PCDHGA8: variants seen among roughly 807,000 people sequenced by gnomAD.
PCDHGA8 encodes protocadherin gamma subfamily A, 8, also known as protocadherin gamma-A8.
Under a neutral mutation model 59.2 loss-of-function variants are expected in PCDHGA8, and 45 were observed. The observed-to-expected ratio is 0.76, with a 90% CI of 0.60 to 0.98. PCDHGA8 has a LOEUF of 0.98. Ranked by LOEUF, PCDHGA8 falls within the 50% of genes least tolerant of loss-of-function variation. The pLI, the probability that PCDHGA8 is intolerant of heterozygous loss-of-function variation, is 0.00. For synonymous variants in PCDHGA8, 531 were observed against 519.0 expected (o/e 1.02, Z -0.32); for missense variants, 1,257 against 1,196.2 (o/e 1.05, Z -0.75).
In PCDHGA8 at chr5:141,511,074, C is replaced by G; in HGVS notation, c.2700C>G (p.Ser900Arg). 1.2e-6 allele frequency: 2 copies of G among 1,614,238 alleles called. No homozygotes were observed. The highest frequency in any genetic ancestry group is 1.7e-6 in the Non-Finnish European group (2 of 1,180,040). ...GCCAGAATGTCTACATCCCAGGCAGCAATGCCACACTGACCAACGCAGCTG... is the reference window on the plus strand; with the variant it reads ...GCCAGAATGTCTACATCCCAGGCAGGAATGCCACACTGACCAACGCAGCTG... The part of the protein sequence containing the change: ...DYRQNVYIPG[S>R]NATLTNAAGK... Residue 900 changes from serine (S) to arginine (R), a missense_variant, in exon 4 of 4, where the codon AGC becomes AGG. Coordinates refer to ENST00000398604, the MANE Select transcript of PCDHGA8 (RefSeq NM_032088.2).
chr5:141,415,134 C>T (rs760482028), intron 1 of PCDHGA8: 10 of 1,613,552 alleles, frequency 6.2e-6, no homozygotes, highest in South Asian at 3.3e-5. Context: ...TCCAGGACCA[C>T]GGCCAGCCCC....
At chr5:141,494,937 G>A (rs759078748) in intron 2 of PCDHGA8, 72 bp downstream of exon 2, 130 of 1,612,276 alleles carry the variant, frequency 8.1e-5, no homozygotes, top group Non-Finnish European at 1.1e-4. Context: ...GAGGAGATGG[G>A]GGAGGGCCCA....
At chr5:141,483,772 G>C (rs2099586910) in intron 1 of PCDHGA8, among the ~76,000 whole-genome samples, 1 of 152,140 alleles carries the variant, frequency 6.6e-6, no homozygotes, top group Non-Finnish European at 1.5e-5. Flanking sequence ...AAAAATATTG[G>C]GGAAGGATAA....
chr5:141,404,540 A>G, intron 1 of PCDHGA8: 2 of 1,613,920 alleles, frequency 1.2e-6, no homozygotes, highest in Non-Finnish European at 1.7e-6. Context: ...AGATTTGCAA[A>G]TGCAGGTGAC....
intron 1 of PCDHGA8, chr5:141,414,450 A>C (rs759840643): frequency 9.3e-6 from 15 of 1,613,772 alleles, no homozygotes. Context: ...ACAATATCAC[A>C]GTGACAGCCA....
At chr5:141,451,036 G>T (rs973806381) in intron 1 of PCDHGA8, among the ~76,000 whole-genome samples, 1 of 150,880 alleles carries the variant, frequency 6.6e-6, no homozygotes, top group Non-Finnish European at 1.5e-5. Flanking sequence ...CACCATATTG[G>T]CCAGGCTGGT....
At chr5:141,430,379 T>C (rs1174248880) in intron 1 of PCDHGA8, among the ~76,000 whole-genome samples, 1 of 149,570 alleles carries the variant, frequency 6.7e-6, no homozygotes, top group Non-Finnish European at 1.5e-5. Flanking sequence ...AAAAAGCTCA[T>C]TGGGAAAAAA....
In PCDHGA8 at chr5:141,394,945, T is replaced by A; in HGVS notation, c.2132T>A (p.Leu711His). The change falls in exon 1 of 4, where the codon CTT becomes CAT. Residue 711 changes from leucine (L) to histidine (H), a missense_variant. Physicochemically the swap from Leu to His is moderately conservative, Grantham distance 99 (BLOSUM62 -3). Transcript: ENST00000398604. Reference sequence around the variant, plus strand: ...GTCTTCCTCGCCTTTGTCGCTGTGCTTCTGGGGCTCAGGCTGAGGCGCTGG... The same window carrying A: ...GTCTTCCTCGCCTTTGTCGCTGTGCATCTGGGGCTCAGGCTGAGGCGCTGG... ...SCVFLAFVAVLLGLRLRRWHK... is the reference protein window; with the variant it reads ...SCVFLAFVAVHLGLRLRRWHK... The A allele has an allele frequency of 6.2e-7, 1 of 1,613,892 alleles. No homozygotes were observed. Among genetic ancestry groups the A allele is most frequent in the African/African-American group, 1.3e-5 (1 of 75,068 alleles).
chr5:141,429,861 A>C (rs1483953460), intron 1 of PCDHGA8, among the ~76,000 whole-genome samples: 1 of 152,226 alleles, frequency 6.6e-6, no homozygotes, highest in Non-Finnish European at 1.5e-5. Flanking sequence ...TCTTTGGACT[A>C]CCAATTTTCT....
chr5:141,404,879 G>A (rs770577946), intron 1 of PCDHGA8: 4 of 1,613,906 alleles, frequency 2.5e-6, no homozygotes, highest in Middle Eastern at 1.6e-4. Flanking sequence ...ACAGAGCCTT[G>A]TGGTGGCTGT....
At chr5:141,423,238 G>A (rs765040062) in intron 1 of PCDHGA8, 3 of 1,613,778 alleles carry the variant, frequency 1.9e-6, no homozygotes, top group South Asian at 1.1e-5. Flanking sequence ...CAGCATCCCC[G>A]AAGTCCTGGC....
Position 141,502,485 on chromosome 5 carries a change from G to A in PCDHGA8, c.2484-2908G>A, listed in dbSNP as rs187600890. ...AATACTTCCCGCAGCATCACACTGG[G>A]ACTCATCTAACGTCGGCCTGTCCCA... On this transcript the variant is annotated intron_variant, in intron 2 of 3. Coordinates refer to ENST00000398604, the MANE Select transcript of PCDHGA8 (RefSeq NM_032088.2). 8.4e-3 allele frequency among the ~76,000 whole-genome samples: 1,276 copies of A among 152,270 alleles called. 22 individuals carry two copies. Among genetic ancestry groups the A allele is most frequent in the African/African-American group, 0.028 (1,151 of 41,542 alleles).
rs771867567 is a variant in PCDHGA8 at position 141,419,867 on chromosome 5, G to A, written c.2424+24630G>A. 3.1e-6 allele frequency: 5 copies of A among 1,614,086 alleles called. No homozygotes were observed. In the South Asian group the frequency reaches 5.5e-5, roughly 18 times the overall value. On this transcript the variant is annotated intron_variant, in intron 1 of 3. Transcript: ENST00000398604. Reference sequence around the variant, plus strand: ...CCTGGTGTTCGCAGATAGCTTGCAAGAGGTACTGCCGGATTTCAGCGACCA... The same window carrying A: ...CCTGGTGTTCGCAGATAGCTTGCAAAAGGTACTGCCGGATTTCAGCGACCA...
chr5:141,498,805 C>T (rs1397026274), intron 2 of PCDHGA8, among the ~76,000 whole-genome samples: 1 of 152,000 alleles, frequency 6.6e-6, no homozygotes, highest in Non-Finnish European at 1.5e-5. Flanking sequence ...TGGTGGTGCA[C>T]ACCTGTAGTC....
Position 141,491,103 on chromosome 5 carries a change from G to C in PCDHGA8, c.2425-3704G>C. 1 of 1,614,162 alleles carries C rather than the reference G, an allele frequency of 6.2e-7. No individual in the cohort carries two copies. Among genetic ancestry groups the C allele is most frequent in the South Asian group, 1.1e-5 (1 of 91,082 alleles). On this transcript the variant is annotated intron_variant, in intron 1 of 3. Transcript: ENST00000398604. The surrounding 1 kb of genome is among the most constrained non-coding windows in gnomAD (Gnocchi z 6.9). ...CCACAGCCCCAGGACTGTTCCTCGT[G>C]TCTACACACACTGGTGAGGTGCGCA... is the stretch of plus-strand genomic sequence containing the variant.
At position 141,409,019 on chromosome 5, in the gene PCDHGA8, G is replaced by T; in HGVS notation, c.2424+13782G>T. 2.5e-6 allele frequency: 4 copies of T among 1,613,996 alleles called. No homozygotes were observed. The South Asian group carries it at 3.3e-5, about 13-fold the overall frequency. On this transcript the variant is annotated intron_variant, in intron 1 of 3. Coordinates refer to ENST00000398604, the MANE Select transcript of PCDHGA8 (RefSeq NM_032088.2). The stretch of plus-strand genomic sequence containing the variant: ...GACAGCCACTGACCAGGATGAGGGG[G>T]TCAATGCTGAGATAAACTACTACTT...
At position 141,476,749 on chromosome 5, in the gene PCDHGA8, G is replaced by C; in HGVS notation, c.2425-18058G>C. On this transcript the variant is annotated intron_variant, in intron 1 of 3. Transcript: ENST00000398604. The surrounding 1 kb of genome is among the most constrained non-coding windows in gnomAD (Gnocchi z 7.6). ...ACCGAGAACGGGAGCCTAGTCTCCA[G>C]TTAGTGCTGACGGCGTTGGACGGAG... is the stretch of plus-strand genomic sequence containing the variant. 1.9e-6 allele frequency: 3 copies of C among 1,614,042 alleles called. No homozygotes were observed. The highest frequency in any genetic ancestry group is 2.5e-6 in the Non-Finnish European group (3 of 1,180,038).
At chr5:141,464,916 T>C (rs1298310554) in intron 1 of PCDHGA8, among the ~76,000 whole-genome samples, 1 of 152,024 alleles carries the variant, frequency 6.6e-6, no homozygotes, top group Non-Finnish European at 1.5e-5. Flanking sequence ...TTTTTTTATT[T>C]TTTTGTAGAG....
chr5:141,423,006 T>A, intron 1 of PCDHGA8: 2 of 1,614,198 alleles, frequency 1.2e-6, no homozygotes, highest in Non-Finnish European at 1.7e-6. Context: ...CCAAGGTGGT[T>A]GCGGTGGACA....
Sources: gnomAD v4.1 joint callset for allele counts (sites outside exome capture counted in the v4.1 genomes callset) on GRCh38, gnomAD v4.1.1 for gene constraint, Gnocchi (gnomAD v3.1) non-coding constraint, MANE v1.5 for transcripts, NCBI Gene and HGNC (gene_info 2026-07-23, HGNC 2026-07-21) for gene names.